Variants in DAPK1 observed in about 807,000 individuals in gnomAD.
DAPK1 encodes the protein death associated protein kinase 1.
DAPK1 carries 56 observed loss-of-function variants against 144.9 expected under a neutral mutation model. The ratio of observed to expected loss-of-function variants is 0.39; its 90% CI spans 0.31 to 0.48. The LOEUF (loss-of-function observed/expected upper bound fraction) is 0.48, where lower values mean the gene tolerates loss of function less well. Among genes scored for constraint, DAPK1 ranks in the 20% least tolerant of loss-of-function variants. The pLI is 0.95. For synonymous variants in DAPK1, 690 were observed against 749.0 expected, an observed-to-expected ratio of 0.92 and a Z score of 1.29; for missense variants, 1,454 against 1,875.4, an observed-to-expected ratio of 0.78 and a Z score of 4.15.
chr9:87,665,788 T>G (rs1247248130), intron 18 of DAPK1, among the ~76,000 whole-genome samples: 1 of 152,194 alleles, frequency 6.6e-6, no homozygotes. Flanking sequence ...CAGTCTAGAA[T>G]GTAGTGTTGT....
chr9:87,528,443 C>T (rs112695234), intron 2 of DAPK1, among the ~76,000 whole-genome samples: 12,224 of 152,042 alleles, frequency 0.08, 826 homozygotes, highest in East Asian at 0.33. Context: ...GTCTCGAGCT[C>T]CTGACCTCAG....
At chr9:87,570,349 C>T (rs1827285499) in intron 2 of DAPK1, among the ~76,000 whole-genome samples, 1 of 152,114 alleles carries the variant, frequency 6.6e-6, no homozygotes. Context: ...AGAAGTTGTC[C>T]ATTAGCAAAG....
intron 2 of DAPK1, among the ~76,000 whole-genome samples, chr9:87,534,246 G>GTTT (rs768580976): frequency 2.2e-5 from 2 of 91,196 alleles, no homozygotes; most frequent in South Asian, 4.2e-4. Flanking sequence ...CATTTTGACA[G>GTTT]TTTTTTTTTT....
At chr9:87,676,993 A>G (rs376977833) in intron 19 of DAPK1, among the ~76,000 whole-genome samples, 41 of 152,290 alleles carry the variant, frequency 2.7e-4, no homozygotes, top group African/African-American at 9.1e-4. Context: ...CCAAGCCTCA[A>G]TTTCCTCATC....
intron 3 of DAPK1, among the ~76,000 whole-genome samples, chr9:87,627,667 C>T (rs1413556160): frequency 1.3e-5 from 2 of 152,160 alleles, no homozygotes; most frequent in African/African-American, 2.4e-5. Context: ...TTTTTGGCCC[C>T]AGGAATGTCC....
intron 24 of DAPK1, among the ~76,000 whole-genome samples, chr9:87,701,088 T>TA (rs1464885738): frequency 6.6e-6 from 1 of 152,216 alleles, no homozygotes; most frequent in Non-Finnish European, 1.5e-5. Context: ...AAGCCCCTGA[T>TA]AATCAATACA....
rs150020515 is a variant in DAPK1, at chr9:87,552,636, G to A, written c.63-52318G>A. On this transcript the variant is annotated intron_variant, in intron 2 of 25. Coordinates refer to ENST00000408954, the MANE Select transcript of DAPK1 (RefSeq NM_004938.4). The stretch of plus-strand genomic sequence containing the variant: ...AGACAAGGTCTTGCTCTGTCACCCA[G>A]GCTGGTGTGCAGTGGTACAATCATA... Among the ~76,000 whole-genome samples, 856 of 152,000 alleles carry A rather than the reference G, an allele frequency of 5.6e-3. 11 individuals are homozygous for A. The highest frequency in any genetic ancestry group is 0.02 in the African/African-American group (829 of 41,402).
intron 2 of DAPK1, among the ~76,000 whole-genome samples, chr9:87,576,905 T>A (rs908830642): frequency 3.3e-5 from 5 of 152,114 alleles, no homozygotes; most frequent in Non-Finnish European, 7.4e-5. Flanking sequence ...GGCAGTGCCC[T>A]CCTTATAGCA....
In DAPK1 at chr9:87,629,970, G is replaced by A. The variant is rs535383490; in HGVS notation, c.285-7973G>A. Among the ~76,000 whole-genome samples, 6 of 152,266 alleles carry A rather than the reference G, an allele frequency of 3.9e-5. No homozygotes were observed. In the South Asian group the frequency reaches 1.2e-3, roughly 32 times the overall value. On this transcript the variant is annotated intron_variant, in intron 3 of 25. Coordinates refer to ENST00000408954, the MANE Select transcript of DAPK1 (RefSeq NM_004938.4). ...AGTCCACTTATCTTGAGGCCAGTGT[G>A]CTATGAGGGAGCCCAAACTAGCCCA...
intron 21 of DAPK1, among the ~76,000 whole-genome samples, chr9:87,694,666 A>G (rs1825194524): frequency 6.6e-6 from 1 of 152,050 alleles, no homozygotes; most frequent in South Asian, 2.1e-4. Flanking sequence ...CACAGCCACT[A>G]CTCTGCTAGG....
intron 2 of DAPK1, among the ~76,000 whole-genome samples, chr9:87,548,354 C>G (rs976129937): frequency 1.3e-5 from 2 of 152,198 alleles, no homozygotes; most frequent in African/African-American, 4.8e-5. Context: ...AACACTGAAC[C>G]TCAGTATCAC....
At chr9:87,607,175 C>G (rs12343732) in intron 3 of DAPK1, among the ~76,000 whole-genome samples, 2 of 152,114 alleles carry the variant, frequency 1.3e-5, no homozygotes, top group South Asian at 4.2e-4. Flanking sequence ...TGGTGTAATC[C>G]TCACTGTGGC....
In DAPK1 at chr9:87,703,169, C is replaced by G; in HGVS notation, c.3012C>G (p.Ser1004Arg). 2 of 1,612,598 alleles carry G rather than the reference C, an allele frequency of 1.2e-6. No individual in the cohort carries two copies. The highest frequency in any genetic ancestry group is 1.7e-6 in the Non-Finnish European group (2 of 1,178,560). Residue 1004 changes from serine to arginine, a missense_variant, in exon 25 of 26, where the codon AGC (serine) becomes AGG (arginine). Physicochemically the swap from Ser to Arg is moderately radical, Grantham distance 110. Transcript: ENST00000408954. ...DVQDQLNPLA[S>R]EEDLRRIAQQ... is the part of the protein sequence containing the mutation. ...AGGACCAGCTGAACCCCCTGGCCAG[C>G]GAGGAGGACCTCAGGCGCATTGCTC...
intron 2 of DAPK1, among the ~76,000 whole-genome samples, chr9:87,548,132 G>T (rs919044044): frequency 2.0e-5 from 3 of 152,186 alleles, no homozygotes; most frequent in African/African-American, 7.2e-5. Context: ...AAAGAGTAAG[G>T]CTTGCCTGAG....
chr9:87,584,678 G>A (rs13294351), intron 2 of DAPK1, among the ~76,000 whole-genome samples: 1 of 151,612 alleles, frequency 6.6e-6, no homozygotes, highest in Non-Finnish European at 1.5e-5. Flanking sequence ...GTGTGTGTGT[G>A]TGTGTGTGTG....
chr9:87,591,817 C>T (rs968263700), intron 2 of DAPK1, among the ~76,000 whole-genome samples: 1 of 152,224 alleles, frequency 6.6e-6, no homozygotes, highest in African/African-American at 2.4e-5. Flanking sequence ...TGTAGCCAGC[C>T]ACTTCTGCTC....
intron 2 of DAPK1, among the ~76,000 whole-genome samples, chr9:87,560,201 G>T (rs531702959): frequency 2.5e-4 from 38 of 151,780 alleles, no homozygotes; most frequent in African/African-American, 8.2e-4. Flanking sequence ...TCGCCATGTT[G>T]ACCAGGGTGG....
intron 3 of DAPK1, among the ~76,000 whole-genome samples, chr9:87,627,111 T>C (rs1406950619): frequency 6.6e-6 from 1 of 152,086 alleles, no homozygotes; most frequent in African/African-American, 2.4e-5. Context: ...GAACCTACTA[T>C]CTTCCTCAGC....
At chr9:87,584,730 G>GC (rs1471280932) in intron 2 of DAPK1, among the ~76,000 whole-genome samples, 5 of 152,092 alleles carry the variant, frequency 3.3e-5, no homozygotes, top group Non-Finnish European at 5.9e-5. Flanking sequence ...AGGCTGGAGT[G>GC]CAGTGGCATG....
Sources: gnomAD v4.1 joint callset for allele counts (sites outside exome capture counted in the v4.1 genomes callset) on GRCh38, gnomAD v4.1.1 for gene constraint, MANE v1.5 for transcripts, NCBI Gene and HGNC (gene_info 2026-07-23, HGNC 2026-07-21) for gene names.